The following LPCAT2 variants were observed in gnomAD, a reference collection of about 807,000 sequenced individuals.
LPCAT2 encodes the protein 1-AGP acyltransferase 11.
Under a neutral mutation model 64.7 loss-of-function variants are expected in LPCAT2, and 58 were observed. That is an observed-to-expected ratio of 0.90 (90% CI 0.73 to 1.12). The LOEUF (loss-of-function observed/expected upper bound fraction) is 1.12. Among genes scored for constraint, LPCAT2 ranks in the 50% most tolerant of loss-of-function variants. LPCAT2 has a pLI of 0.00. For missense variants in LPCAT2, 579 were observed against 669.8 expected, an observed-to-expected ratio of 0.86 and a Z score of 1.50; for synonymous variants, 252 against 245.3, an observed-to-expected ratio of 1.03 and a Z score of -0.26.
At chr16:55,576,813 G>A (rs1963832785) in intron 12 of LPCAT2, among the ~76,000 whole-genome samples, 1 of 152,164 alleles carries the variant, frequency 6.6e-6, no homozygotes, top group Non-Finnish European at 1.5e-5. Flanking sequence ...TTGTAGTGGG[G>A]AGTGACGAGT....
intron 13 of LPCAT2, among the ~76,000 whole-genome samples, chr16:55,581,476 G>A (rs1206968671): frequency 6.6e-6 from 1 of 152,056 alleles, no homozygotes; most frequent in Non-Finnish European, 1.5e-5. Context: ...ACTAAGACCT[G>A]TTTGTTTATT....
intron 1 of LPCAT2, 66 bp from the exon 2 acceptor site, chr16:55,525,442 T>C: frequency 6.9e-7 from 1 of 1,450,012 alleles, no homozygotes; most frequent in Non-Finnish European, 9.5e-7. Context: ...TATTACATGT[T>C]TCTGTTTGAT....
At chr16:55,568,547 T>C (rs1396065879) in intron 11 of LPCAT2, among the ~76,000 whole-genome samples, 2 of 152,220 alleles carry the variant, frequency 1.3e-5, no homozygotes, top group Non-Finnish European at 2.9e-5. Flanking sequence ...GGGAGAGCTC[T>C]TTAGGAATAC....
rs57496150 is a variant in LPCAT2 at position 55,509,991 on chromosome 16, C to CTTTT, written c.171+653_171+656dup. On this transcript the variant is annotated intron_variant, in intron 1 of 13. Transcript: ENST00000262134. ...TACGGGAGAGTAGATTTGAAGAAGTCTTTTTTTTTTTTTTTTTGCCTTAGG... is the reference window on the plus strand; with the variant it reads ...TACGGGAGAGTAGATTTGAAGAAGTCTTTTTTTTTTTTTTTTTTTTTGCCTTAGG... 3.3e-4 allele frequency among the ~76,000 whole-genome samples: 34 copies of CTTTT among 102,540 alleles called. 1 individual carries two copies. Among genetic ancestry groups the CTTTT allele is most frequent in the Admixed American group, 6.0e-4 (5 of 8,374 alleles). 67.3% of individuals were successfully genotyped at this position (102,540 alleles called of 152,430 possible).
Position 55,509,110 on chromosome 16 carries a change from A to G in LPCAT2, c.-72A>G. ...CGTCGCCCTAGGCTGGGACTCTAGT[A>G]GGTCTTCGGCTCAGTTTTGGCTGCA... On this transcript the variant is annotated 5_prime_UTR_variant, in exon 1 of 14. Transcript: ENST00000262134. 8.1e-7 allele frequency: 1 copy of G among 1,227,594 alleles called. No individual in the cohort carries two copies. Among genetic ancestry groups the G allele is most frequent in the Non-Finnish European group, 1.0e-6 (1 of 963,104 alleles). The allele number at this position is 1,227,594 out of a possible 1,614,324, so 76.0% of individuals were successfully genotyped here.
chr16:55,564,894 G>T (rs1963675464), intron 11 of LPCAT2, among the ~76,000 whole-genome samples: 1 of 151,864 alleles, frequency 6.6e-6, no homozygotes, highest in African/African-American at 2.4e-5. Flanking sequence ...TAACAACAGA[G>T]TGGAAAGGTA....
At chr16:55,520,752 A>G (rs1276838986) in intron 1 of LPCAT2, among the ~76,000 whole-genome samples, 1 of 151,968 alleles carries the variant, frequency 6.6e-6, no homozygotes, top group African/African-American at 2.4e-5. Context: ...ATACTTTAAA[A>G]TAGTCCTTGG....
At chr16:55,530,627 A>G (rs2142381179) in intron 4 of LPCAT2, among the ~76,000 whole-genome samples, 1 of 152,224 alleles carries the variant, frequency 6.6e-6, no homozygotes, top group South Asian at 2.1e-4. Context: ...ACATGATGAC[A>G]TGAAGATGTT....
At position 55,574,936 on chromosome 16, in the gene LPCAT2, C is replaced by G. The variant is rs2241149; in HGVS notation, c.1314+207C>G. 3.4e-3 allele frequency among the ~76,000 whole-genome samples: 511 copies of G among 152,148 alleles called. 18 individuals are homozygous for G. In the South Asian group the frequency reaches 0.063, roughly 19 times the overall value. On this transcript the variant is annotated intron_variant, in intron 12 of 13. Coordinates refer to ENST00000262134, the MANE Select transcript of LPCAT2 (RefSeq NM_017839.5). ...TAAGCAAAAAGTTTCTAGAAGTAGCCTAATTAACAACATCAAGATTGAAGA... is the reference window on the plus strand; with the variant it reads ...TAAGCAAAAAGTTTCTAGAAGTAGCGTAATTAACAACATCAAGATTGAAGA...
Position 55,551,059 on chromosome 16 carries a change from C to G in LPCAT2, c.1172C>G (p.Pro391Arg), listed in dbSNP as rs1229002694. The G allele has an allele frequency of 5.6e-6, 9 of 1,612,980 alleles. No homozygotes were observed. Among genetic ancestry groups the G allele is most frequent in the East Asian group, 2.2e-5 (1 of 44,770 alleles). ...GAATTCGCCAAGTATTTAAAGTTGC[C>G]TGTTTCAGATGTCTTGAGACAACTT... is the stretch of plus-strand genomic sequence containing the variant. ...IEEFAKYLKL[P>R]VSDVLRQLFA... Residue 391 changes from proline to arginine, a missense_variant, in exon 11 of 14, where the codon CCT becomes CGT. By Grantham distance (103) the Pro-to-Arg change is moderately radical. Coordinates refer to ENST00000262134, the MANE Select transcript of LPCAT2 (RefSeq NM_017839.5).
intron 1 of LPCAT2, 40 bp downstream of exon 1, chr16:55,509,392 G>A (rs773386659): frequency 4.5e-6 from 6 of 1,334,332 alleles, no homozygotes; most frequent in East Asian, 3.1e-5. Context: ...GGTCTGAGGG[G>A]GGCCTAGGTC....
intron 6 of LPCAT2, among the ~76,000 whole-genome samples, chr16:55,534,137 T>G (rs1963293238): frequency 6.6e-6 from 1 of 152,164 alleles, no homozygotes; most frequent in African/African-American, 2.4e-5. Context: ...GTAATCAAAT[T>G]AATTATCCAG....
chr16:55,529,053 T>C (rs1388305562), intron 3 of LPCAT2, among the ~76,000 whole-genome samples: 1 of 152,194 alleles, frequency 6.6e-6, no homozygotes, highest in Non-Finnish European at 1.5e-5. Flanking sequence ...GAGGGACCTA[T>C]GTGTAGCTCT....
In LPCAT2 at chr16:55,579,352, C is replaced by T. The variant is rs1431889957; in HGVS notation, c.1450+108C>T. 3.9e-6 allele frequency: 4 copies of T among 1,038,916 alleles called. No homozygotes were observed. In the African/African-American group the frequency reaches 4.9e-5, roughly 13 times the overall value. 64.4% of individuals were successfully genotyped at this position (1,038,916 alleles called of 1,614,324 possible). A position where few individuals can be genotyped will look rare whatever the true frequency, so the allele number is the denominator to read the frequency against. On this transcript the variant is annotated intron_variant, in intron 13 of 13. Coordinates refer to ENST00000262134, the MANE Select transcript of LPCAT2 (RefSeq NM_017839.5). Reference sequence around the variant, plus strand: ...CTTAACTAATTACATTAATAATAGACATAATAGTAATATTGATGACCACAG... The same window carrying T: ...CTTAACTAATTACATTAATAATAGATATAATAGTAATATTGATGACCACAG...
In LPCAT2 at chr16:55,537,616, C is replaced by CA; in HGVS notation, c.839dup (p.Val281GlyfsTer4). On this transcript the variant is annotated frameshift_variant, in exon 8 of 14. Transcript: ENST00000262134. LOFTEE classifies it high-confidence loss of function. ...ATGCTTACTTTCTGCCAGCTCTTCA[C>CA]AAAGGTAGAAGTTGAGGTAAGTCAT... The CA allele has an allele frequency of 6.2e-7, 1 of 1,613,210 alleles. No individual in the cohort carries two copies. Among genetic ancestry groups the CA allele is most frequent in the East Asian group, 2.2e-5 (1 of 44,826 alleles).
intron 3 of LPCAT2, 24 bp downstream of exon 3, chr16:55,528,618 G>C: frequency 6.5e-7 from 1 of 1,531,678 alleles, no homozygotes. Context: ...AGGTAACGTA[G>C]ATAAAATATT....
At chr16:55,513,580 A>T (rs1186400257) in intron 1 of LPCAT2, among the ~76,000 whole-genome samples, 1 of 152,174 alleles carries the variant, frequency 6.6e-6, no homozygotes, top group East Asian at 1.9e-4. Flanking sequence ...GCTTTCAACA[A>T]TCCAAGGAGC....
Position 55,509,363 on chromosome 16 carries a change from T to G in LPCAT2, c.171+11T>G. ...GCGAGGCGGGTCCAGGTGAGGGGCG[T>G]GGGTCTGAGGGGAGAGGTGGTCTGA... On this transcript the variant is annotated intron_variant, in intron 1 of 13. Coordinates refer to ENST00000262134, the MANE Select transcript of LPCAT2 (RefSeq NM_017839.5). The G allele has an allele frequency of 7.8e-7, 1 of 1,288,494 alleles. No individual in the cohort carries two copies. Among genetic ancestry groups the G allele is most frequent in the Non-Finnish European group, 9.9e-7 (1 of 1,013,552 alleles). The allele number at this position is 1,288,494 out of a possible 1,614,324, so 79.8% of individuals were successfully genotyped here.
rs190137531 is a variant in LPCAT2, at chr16:55,566,146, C to T, written c.1216-8485C>T. ...ATTTCAAAAAAGATTTTAGCAATGT[C>T]GATCACAGACACCACAGCAGCCCTA... is the stretch of plus-strand genomic sequence containing the variant. On this transcript the variant is annotated intron_variant, in intron 11 of 13. Transcript: ENST00000262134. 5.3e-5 allele frequency among the ~76,000 whole-genome samples: 8 copies of T among 152,192 alleles called. No homozygotes were observed. The East Asian group carries it at 1.4e-3, about 26-fold the overall frequency.
Sources: allele counts gnomAD v4.1 joint callset (sites outside exome capture counted in the v4.1 genomes callset), GRCh38; gene constraint gnomAD v4.1.1; transcripts MANE v1.5; gene names NCBI Gene and HGNC (gene_info 2026-07-23, HGNC 2026-07-21).